The following PKIA variants were observed in gnomAD, a reference collection of about 807,000 sequenced individuals.
PKIA encodes PKI-alpha.
PKIA carries 4 observed loss-of-function variants against 7.6 expected under a neutral mutation model. The observed-to-expected ratio is 0.52, with a 90% CI of 0.26 to 1.20. The LOEUF is 1.20. PKIA is among the 50% of genes most tolerant of loss of function. The pLI is 0.13. For missense variants in PKIA, 73 were observed against 86.2 expected (o/e 0.85, Z 0.61); for synonymous variants, 21 against 30.7 (o/e 0.68, Z 1.04).
chr8:78,552,777 A>C (rs1241826998), intron 1 of PKIA, among the ~76,000 whole-genome samples: 1 of 152,058 alleles, frequency 6.6e-6, no homozygotes, highest in African/African-American at 2.4e-5. Context: ...GTCTTTCCAT[A>C]GAATAAATAA....
intron 1 of PKIA, among the ~76,000 whole-genome samples, chr8:78,547,383 G>A (rs1031768662): frequency 2.5e-4 from 38 of 152,086 alleles, no homozygotes; most frequent in Non-Finnish European, 5.6e-4. Context: ...GATTACAGGC[G>A]TGAGCCACCG....
intron 2 of PKIA, among the ~76,000 whole-genome samples, chr8:78,577,455 CTA>C (rs1484288306): frequency 6.6e-6 from 1 of 151,292 alleles, no homozygotes; most frequent in Non-Finnish European, 1.5e-5. Flanking sequence ...ATGAGTTTAC[CTA>C]TATAACAACC....
chr8:78,561,929 CAT>C (rs1807295537), intron 1 of PKIA, among the ~76,000 whole-genome samples: 1 of 152,102 alleles, frequency 6.6e-6, no homozygotes, highest in African/African-American at 2.4e-5. Context: ...TCCCTTCTAA[CAT>C]ATAATAGTTC....
At chr8:78,523,023 C>T (rs975465015) in intron 1 of PKIA, among the ~76,000 whole-genome samples, 1 of 151,866 alleles carries the variant, frequency 6.6e-6, no homozygotes, top group South Asian at 2.1e-4. Flanking sequence ...CCATCCTCCT[C>T]AGCAGAAGAC....
At chr8:78,557,974 A>T (rs934640497) in intron 1 of PKIA, among the ~76,000 whole-genome samples, 2 of 152,188 alleles carry the variant, frequency 1.3e-5, no homozygotes, top group Admixed American at 1.3e-4. Flanking sequence ...AGACTCTAAG[A>T]TGTCTTTTTT....
At chr8:78,600,143 A>G (rs993838271) in intron 3 of PKIA, among the ~76,000 whole-genome samples, 1 of 151,904 alleles carries the variant, frequency 6.6e-6, no homozygotes, top group African/African-American at 2.4e-5. Flanking sequence ...TTAAAATTAT[A>G]AAGTCCAAAA....
Position 78,528,731 on chromosome 8 carries a change from C to A in PKIA, c.-157+12263C>A, listed in dbSNP as rs550820594. Among the ~76,000 whole-genome samples, 25 of 151,178 alleles carry A rather than the reference C, an allele frequency of 1.7e-4. No individual in the cohort carries two copies. In the South Asian group the frequency reaches 5.0e-3, roughly 30 times the overall value. ...CCTGTAATCTCAGCACTTTGGGTGG[C>A]CAAGGTGGGGGGATCACCTGAGGCC... On this transcript the variant is annotated intron_variant, in intron 1 of 3. Transcript: ENST00000396418.
chr8:78,563,704 T>C (rs1188144643), intron 1 of PKIA, among the ~76,000 whole-genome samples: 1 of 151,944 alleles, frequency 6.6e-6, no homozygotes, highest in Non-Finnish European at 1.5e-5. Context: ...AAGTAAACTA[T>C]TGAGTAAATA....
intron 1 of PKIA, among the ~76,000 whole-genome samples, chr8:78,565,176 T>C (rs528880389): frequency 6.6e-6 from 1 of 150,526 alleles, no homozygotes; most frequent in Admixed American, 6.6e-5. Context: ...TCACTTATAA[T>C]TGTTTTTAGA....
At chr8:78,538,972 GCTTTTT>G (rs1371886588) in intron 1 of PKIA, among the ~76,000 whole-genome samples, 2 of 151,960 alleles carry the variant, frequency 1.3e-5, no homozygotes, top group Non-Finnish European at 2.9e-5. Context: ...TGACAAGGAG[GCTTTTT>G]TAAATATGAG....
At chr8:78,559,527 A>G (rs996192927) in intron 1 of PKIA, among the ~76,000 whole-genome samples, 1 of 152,174 alleles carries the variant, frequency 6.6e-6, no homozygotes, top group African/African-American at 2.4e-5. Flanking sequence ...AAAATAATAG[A>G]CTGATATCTA....
intron 1 of PKIA, among the ~76,000 whole-genome samples, chr8:78,562,216 C>T (rs565133053): frequency 2.6e-5 from 4 of 152,192 alleles, no homozygotes; most frequent in South Asian, 4.2e-4. Flanking sequence ...CCCAGGGTCA[C>T]CAAGCTTATA....
At chr8:78,530,533 C>T (rs1461950865) in intron 1 of PKIA, among the ~76,000 whole-genome samples, 1 of 151,010 alleles carries the variant, frequency 6.6e-6, no homozygotes, top group Non-Finnish European at 1.5e-5. Context: ...TTTTTTTTTT[C>T]CACCATATCT....
Position 78,593,524 on chromosome 8 carries a change from A to G in PKIA, c.-27-4834A>G, listed in dbSNP as rs547206739. Among the ~76,000 whole-genome samples, 4 of 152,348 alleles carry G rather than the reference A, an allele frequency of 2.6e-5. No homozygotes were observed. The South Asian group carries it at 8.3e-4, about 32-fold the overall frequency. On this transcript the variant is annotated intron_variant, in intron 2 of 3. Coordinates refer to ENST00000396418, the MANE Select transcript of PKIA (RefSeq NM_006823.4). ...ACTCCACCTCTCCTTAAATATTTAT[A>G]AGATGTATTTGCTAGATTGATGTGC...
chr8:78,532,648 T>A (rs1806417544), intron 1 of PKIA, among the ~76,000 whole-genome samples: 1 of 152,106 alleles, frequency 6.6e-6, no homozygotes, highest in Non-Finnish European at 1.5e-5. Flanking sequence ...CTCACACCTA[T>A]GTAATCCCAG....
chr8:78,568,451 C>A (rs1156616327), intron 1 of PKIA, among the ~76,000 whole-genome samples: 1 of 152,116 alleles, frequency 6.6e-6, no homozygotes, highest in African/African-American at 2.4e-5. Flanking sequence ...CATTAATAGA[C>A]CACCGCAATT....
intron 1 of PKIA, among the ~76,000 whole-genome samples, chr8:78,554,071 A>G (rs1290974559): frequency 6.6e-6 from 1 of 152,034 alleles, no homozygotes; most frequent in Non-Finnish European, 1.5e-5. Flanking sequence ...CAATATGTAG[A>G]GTGCATTTAT....
chr8:78,549,812 A>G (rs1806938497), intron 1 of PKIA, among the ~76,000 whole-genome samples: 1 of 151,986 alleles, frequency 6.6e-6, no homozygotes. Flanking sequence ...ACAAAGGTCC[A>G]TTTTGTGCAT....
At chr8:78,593,545 T>C (rs1808155872) in intron 2 of PKIA, among the ~76,000 whole-genome samples, 1 of 152,250 alleles carries the variant, frequency 6.6e-6, no homozygotes. Flanking sequence ...GCTAGATTGA[T>C]GTGCATGTTC....
Sources: gnomAD v4.1 joint callset for allele counts (sites outside exome capture counted in the v4.1 genomes callset) on GRCh38, gnomAD v4.1.1 for gene constraint, MANE v1.5 for transcripts, NCBI Gene and HGNC (gene_info 2026-07-23, HGNC 2026-07-21) for gene names.